Variants in PNKD observed in about 807,000 individuals in gnomAD.
PNKD encodes the protein probable thioesterase PNKD.
In PNKD, 36 loss-of-function variants were observed where a neutral mutation model predicts 45.3. The observed-to-expected ratio is 0.80, with a 90% CI of 0.61 to 1.05. The LOEUF (loss-of-function observed/expected upper bound fraction) is 1.05. PNKD is among the 50% of genes least tolerant of loss of function. The pLI is 0.00. For synonymous variants in PNKD, 197 were observed against 210.1 expected (o/e 0.94, Z 0.54); for missense variants, 511 against 506.6 (o/e 1.01, Z -0.08).
At chr2:218,285,068 T>C (rs1279419315) in intron 2 of PNKD, among the ~76,000 whole-genome samples, 1 of 152,180 alleles carries the variant, frequency 6.6e-6, no homozygotes, top group Non-Finnish European at 1.5e-5. Flanking sequence ...CCAGCCTGGG[T>C]GACAGAGTGA....
intron 2 of PNKD, among the ~76,000 whole-genome samples, chr2:218,296,431 G>A (rs1241588340): frequency 6.6e-6 from 1 of 152,108 alleles, no homozygotes; most frequent in African/African-American, 2.4e-5. Context: ...GGGGGTGGTG[G>A]CAGCCTGGAA....
At position 218,345,628 on chromosome 2, in the gene PNKD, GGAA is replaced by G. The variant is rs1005241119; in HGVS notation, c.*652_*654del. ...TGCCTCAGTGGCCTCCCTACAGCCT[GGAA>G]GAAGGAGGGTCCTGATTGCCAAGGA... is the stretch of plus-strand genomic sequence containing the variant. On this transcript the variant is annotated 3_prime_UTR_variant, in exon 10 of 10. Coordinates refer to ENST00000273077, the MANE Select transcript of PNKD (RefSeq NM_015488.5). 17 of 152,838 alleles carry G rather than the reference GGAA, an allele frequency of 1.1e-4. No individual in the cohort carries two copies. Among genetic ancestry groups the G allele is most frequent in the African/African-American group, 3.8e-4 (16 of 41,572 alleles). 9.5% of individuals were successfully genotyped at this position (152,838 alleles called of 1,614,324 possible).
At chr2:218,344,430 G>T in intron 8 of PNKD, 25 bp from the exon 9 acceptor site, 1 of 1,490,006 alleles carries the variant, frequency 6.7e-7, no homozygotes, top group Non-Finnish European at 9.2e-7. Flanking sequence ...TCTGCTCTGT[G>T]TCTCACCCTC....
intron 2 of PNKD, among the ~76,000 whole-genome samples, chr2:218,298,681 G>C (rs563033585): frequency 2.2e-4 from 34 of 152,164 alleles, no homozygotes; most frequent in Middle Eastern, 3.4e-3. Context: ...CGAGCTGGGA[G>C]CTCAGCAGGG....
At chr2:218,341,361 G>T (rs1694667922) in intron 5 of PNKD, among the ~76,000 whole-genome samples, 173 bp from the exon 6 acceptor site, 1 of 152,220 alleles carries the variant, frequency 6.6e-6, no homozygotes, top group African/African-American at 2.4e-5. Flanking sequence ...GTTGTTGGGG[G>T]CGATGTTCTG....
At chr2:218,275,760 T>C in intron 2 of PNKD, 2 of 1,099,408 alleles carry the variant, frequency 1.8e-6, no homozygotes, top group Admixed American at 2.7e-5. Flanking sequence ...ACATATGGGC[T>C]CTATACTGTA....
chr2:218,345,235 G>C lies in PNKD; in HGVS notation c.*254G>C. The C allele has an allele frequency of 1.9e-6, 1 of 536,510 alleles. No individual in the cohort carries two copies. Among genetic ancestry groups the C allele is most frequent in the Non-Finnish European group, 3.3e-6 (1 of 299,538 alleles). 33.2% of individuals were successfully genotyped at this position (536,510 alleles called of 1,614,324 possible). On this transcript the variant is annotated 3_prime_UTR_variant, in exon 10 of 10. Transcript: ENST00000273077. ...ACGGCAAGAGGAAAGGAGGGGTCTCGGGACATCTCCAGACCCTACCAACTG... is the reference window on the plus strand; with the variant it reads ...ACGGCAAGAGGAAAGGAGGGGTCTCCGGACATCTCCAGACCCTACCAACTG...
intron 2 of PNKD, chr2:218,282,232 T>A: frequency 9.0e-7 from 1 of 1,111,030 alleles, no homozygotes; most frequent in Non-Finnish European, 1.2e-6. Flanking sequence ...CCCAGCTCAC[T>A]CAGCCTCATG....
chr2:218,292,428 C>A (rs1692997725), intron 2 of PNKD: 1 of 152,302 alleles, frequency 6.6e-6, no homozygotes, highest in Non-Finnish European at 1.5e-5. Flanking sequence ...CCACCGCCCA[C>A]AGTCCCCAAC....
In PNKD at chr2:218,314,460, C is replaced by G. The variant is rs537080342; in HGVS notation, c.237-25323C>G. Among the ~76,000 whole-genome samples, 6 of 151,846 alleles carry G rather than the reference C, an allele frequency of 4.0e-5. No individual in the cohort carries two copies. The South Asian group carries it at 1.0e-3, about 26-fold the overall frequency. The stretch of plus-strand genomic sequence containing the variant: ...CTGGTCTGGAACTCCTGGGCTCAAG[C>G]GATCCTCCCACCTTGGCCTCCCAAA... On this transcript the variant is annotated intron_variant, in intron 2 of 9. Transcript: ENST00000273077.
At chr2:218,333,425 A>G (rs1251097414) in intron 2 of PNKD, among the ~76,000 whole-genome samples, 1 of 152,216 alleles carries the variant, frequency 6.6e-6, no homozygotes, top group African/African-American at 2.4e-5. Context: ...CCAGATGTGC[A>G]TGACCCTGCT....
chr2:218,279,102 C>T, intron 2 of PNKD: 1 of 1,614,072 alleles, frequency 6.2e-7, no homozygotes, highest in South Asian at 1.1e-5. Context: ...CTGTGGGGCA[C>T]AGGAGGACAG....
intron 2 of PNKD, among the ~76,000 whole-genome samples, chr2:218,315,002 C>CTCTT (rs1693736139): frequency 9.3e-6 from 1 of 107,876 alleles, no homozygotes; most frequent in Non-Finnish European, 1.9e-5. Context: ...GGTTTTCTTT[C>CTCTT]TTTCTTTCTT....
intron 2 of PNKD, among the ~76,000 whole-genome samples, chr2:218,283,505 G>GCAGT (rs1320206473): frequency 6.6e-6 from 1 of 152,158 alleles, no homozygotes; most frequent in Non-Finnish European, 1.5e-5. Context: ...ACAAGCCCTG[G>GCAGT]CAGTCTGGGC....
chr2:218,274,366 G>A (rs576283543), intron 2 of PNKD: 1 of 154,882 alleles, frequency 6.5e-6, no homozygotes, highest in South Asian at 2.0e-4. Context: ...TCCAGCTCAA[G>A]GCACTTAATA....
At chr2:218,311,534 G>A (rs1421764405) in intron 2 of PNKD, among the ~76,000 whole-genome samples, 2 of 152,148 alleles carry the variant, frequency 1.3e-5, no homozygotes, top group Non-Finnish European at 2.9e-5. Context: ...TCAAGGAAAG[G>A]TACTGTGCCT....
Position 218,340,106 on chromosome 2 carries a change from G to T in PNKD, c.430G>T (p.Val144Leu), listed in dbSNP as rs764910957. 39 of 1,613,818 alleles carry T rather than the reference G, an allele frequency of 2.4e-5. 1 individual carries two copies. The South Asian group carries it at 4.2e-4, about 17-fold the overall frequency. The change falls in exon 4 of 10, where the codon GTG becomes TTG. Residue 144 changes from valine (V) to leucine (L), a missense_variant. Coordinates refer to ENST00000273077, the MANE Select transcript of PNKD (RefSeq NM_015488.5). The surrounding 1 kb of genome is among the most constrained non-coding windows in gnomAD (Gnocchi z 4.2). ...CATCGACACCCAGGCCCAGCTGGCT[G>T]TGGCTGTGGACCCTTCAGACCCTCG... Reference protein sequence around the residue: ...LIIDTQAQLAVAVDPSDPRAV... With the variant: ...LIIDTQAQLALAVDPSDPRAV...
intron 2 of PNKD, chr2:218,276,863 T>G: frequency 1.5e-6 from 1 of 680,748 alleles, no homozygotes; most frequent in Non-Finnish European, 2.6e-6. Context: ...TGCCTCCACG[T>G]TGGTGCCTTT....
Position 218,339,809 on chromosome 2 carries a change from T to G in PNKD, c.263T>G (p.Leu88Arg). The change falls in exon 3 of 10, where the codon CTC (leucine) becomes CGC (arginine). Residue 88 changes from leucine (L) to arginine (R), a missense_variant. Coordinates refer to ENST00000273077, the MANE Select transcript of PNKD (RefSeq NM_015488.5). ...TACAGCCTGTACACCCGCACCTGGCTCGGGTACCTCTTCTACCGACAGCAG... is the reference window on the plus strand; with the variant it reads ...TACAGCCTGTACACCCGCACCTGGCGCGGGTACCTCTTCTACCGACAGCAG... Reference protein sequence around the residue: ...AWYSLYTRTWLGYLFYRQQLR... With the variant: ...AWYSLYTRTWRGYLFYRQQLR... 10 of 1,613,646 alleles carry G rather than the reference T, an allele frequency of 6.2e-6. No homozygotes were observed. The highest frequency in any genetic ancestry group is 8.5e-6 in the Non-Finnish European group (10 of 1,179,738).
Sources: allele counts gnomAD v4.1 joint callset (sites outside exome capture counted in the v4.1 genomes callset), GRCh38; gene constraint gnomAD v4.1.1; non-coding constraint Gnocchi (gnomAD v3.1); transcripts MANE v1.5; gene names NCBI Gene and HGNC (gene_info 2026-07-23, HGNC 2026-07-21).